The following AKAP13 variants were observed in gnomAD, a reference collection of about 807,000 sequenced individuals.
AKAP13 encodes the protein A-kinase anchor protein 13.
In AKAP13, 80 loss-of-function variants were observed where a neutral mutation model predicts 264.5. The observed-to-expected ratio is 0.30, with a 90% CI of 0.25 to 0.36. AKAP13 has a LOEUF of 0.36. AKAP13 is among the 10% of genes least tolerant of loss of function. The pLI is 1.00. For missense variants in AKAP13, 3,712 were observed against 3,435.2 expected, an observed-to-expected ratio of 1.08 and a Z score of -2.01; for synonymous variants, 1,380 against 1,250.2, an observed-to-expected ratio of 1.10 and a Z score of -2.19.
chr15:85,549,648 C>A (rs932079556), intron 5 of AKAP13, among the ~76,000 whole-genome samples: 3 of 152,184 alleles, frequency 2.0e-5, no homozygotes, highest in Non-Finnish European at 4.4e-5. Context: ...GCTACTGTTA[C>A]ACAGACAGCT....
At chr15:85,526,628 A>G (rs2077053651) in intron 3 of AKAP13, among the ~76,000 whole-genome samples, 1 of 152,192 alleles carries the variant, frequency 6.6e-6, no homozygotes, top group Non-Finnish European at 1.5e-5. Context: ...CAGTATTACC[A>G]AATGGAATAG....
chr15:85,527,487 A>G (rs1403843972), intron 3 of AKAP13, among the ~76,000 whole-genome samples: 3 of 152,250 alleles, frequency 2.0e-5, no homozygotes, highest in African/African-American at 7.2e-5. Flanking sequence ...GTGAGTAGAG[A>G]ATAATGTCTG....
intron 2 of AKAP13, among the ~76,000 whole-genome samples, chr15:85,498,638 G>T (rs1157602992): frequency 6.6e-6 from 1 of 151,768 alleles, no homozygotes; most frequent in Non-Finnish European, 1.5e-5. Flanking sequence ...GTTGTCTTTG[G>T]CACTGAACTC....
chr15:85,731,946 G>C (rs2088070146), intron 30 of AKAP13, among the ~76,000 whole-genome samples: 1 of 152,058 alleles, frequency 6.6e-6, no homozygotes, highest in African/African-American at 2.4e-5. Flanking sequence ...AGCCAGGTGT[G>C]GTGACATGCG....
Position 85,736,091 on chromosome 15 carries a change from G to C in AKAP13, c.7514G>C (p.Gly2505Ala). The C allele has an allele frequency of 6.2e-7, 1 of 1,604,512 alleles. No individual in the cohort carries two copies. The highest frequency in any genetic ancestry group is 2.2e-5 in the East Asian group (1 of 44,806). ...ATATGTATGTTTTTTGTTTTATAGGGTGGAAATGCTAACCTGGTATTTATG... is the reference window on the plus strand; with the variant it reads ...ATATGTATGTTTTTTGTTTTATAGGCTGGAAATGCTAACCTGGTATTTATG... ...RTESDSGLKKGGNANLVFMLK... is the reference protein window; with the variant it reads ...RTESDSGLKKAGNANLVFMLK... The change falls in exon 33 of 37, where the codon GGT becomes GCT. Residue 2505 changes from glycine (G) to alanine (A), a missense_variant and splice_region_variant. Transcript: ENST00000394518.
At chr15:85,685,490 C>CTGTG (rs34565043) in intron 16 of AKAP13, 6,183 of 134,348 alleles carry the variant, frequency 0.046, 402 homozygotes, top group African/African-American at 0.16. Flanking sequence ...GTGTGTGTGT[C>CTGTG]TGTGTGTGTG....
At chr15:85,564,028 C>T (rs990084982) in intron 5 of AKAP13, among the ~76,000 whole-genome samples, 79 of 152,222 alleles carry the variant, frequency 5.2e-4, no homozygotes, top group African/African-American at 1.9e-3. Context: ...TCTCAATTTC[C>T]TCATCTCTGA....
At chr15:85,488,791 C>A (rs1225579544) in intron 2 of AKAP13, among the ~76,000 whole-genome samples, 1 of 152,238 alleles carries the variant, frequency 6.6e-6, no homozygotes, top group Admixed American at 6.5e-5. Context: ...AGAAGGAACA[C>A]AGCCCTGCTG....
intron 1 of AKAP13, among the ~76,000 whole-genome samples, chr15:85,437,980 G>A: frequency 6.9e-6 from 1 of 144,630 alleles, no homozygotes; most frequent in Admixed American, 7.0e-5. Context: ...AATTAGGCAG[G>A]AGAAGGAAAT....
chr15:85,633,853 T>TA (rs1567166699), intron 8 of AKAP13, among the ~76,000 whole-genome samples: 1 of 151,594 alleles, frequency 6.6e-6, no homozygotes, highest in Non-Finnish European at 1.5e-5. Flanking sequence ...CTTTTTTTTT[T>TA]AAAAAGGAAA....
intron 1 of AKAP13, among the ~76,000 whole-genome samples, chr15:85,414,410 TTTC>T (rs2072134823): frequency 6.6e-6 from 1 of 152,232 alleles, no homozygotes; most frequent in South Asian, 2.1e-4. Flanking sequence ...ACCACCGTGC[TTTC>T]TTTTTTCACT....
At chr15:85,712,124 G>A (rs946547998) in intron 19 of AKAP13, among the ~76,000 whole-genome samples, 10 of 152,010 alleles carry the variant, frequency 6.6e-5, no homozygotes, top group African/African-American at 1.7e-4. Context: ...ATGAGCCACC[G>A]CACCCAGCCT....
chr15:85,633,785 C>G (rs2081964121), intron 8 of AKAP13, among the ~76,000 whole-genome samples: 1 of 151,860 alleles, frequency 6.6e-6, no homozygotes, highest in Non-Finnish European at 1.5e-5. Flanking sequence ...ACCTCGTGAT[C>G]TGCCCACCTC....
At chr15:85,454,085 G>A (rs569647682) in intron 1 of AKAP13, among the ~76,000 whole-genome samples, 1 of 152,324 alleles carries the variant, frequency 6.6e-6, no homozygotes, top group Admixed American at 6.5e-5. Context: ...CAAGCCAGTG[G>A]GTCTTATCTT....
At chr15:85,487,026 C>T (rs1360639913) in intron 2 of AKAP13, among the ~76,000 whole-genome samples, 2 of 152,160 alleles carry the variant, frequency 1.3e-5, no homozygotes, top group African/African-American at 2.4e-5. Flanking sequence ...GCCACAGCAC[C>T]TGGCCAATTG....
chr15:85,734,604 C>T (rs2088303043), intron 30 of AKAP13, among the ~76,000 whole-genome samples: 1 of 152,234 alleles, frequency 6.6e-6, no homozygotes, highest in South Asian at 2.1e-4. Flanking sequence ...CTTGAACTCA[C>T]TCCATATTGG....
chr15:85,655,499 C>T lies in AKAP13; in HGVS notation c.4457C>T (p.Ser1486Phe). The T allele has an allele frequency of 6.2e-7, 1 of 1,614,224 alleles. No homozygotes were observed. The highest frequency in any genetic ancestry group is 8.5e-7 in the Non-Finnish European group (1 of 1,180,022). Residue 1486 changes from serine (S) to phenylalanine (F), a missense_variant, in exon 11 of 37, where the codon TCT becomes TTT. Coordinates refer to ENST00000394518, the MANE Select transcript of AKAP13 (RefSeq NM_007200.5). ...DDTASLDRHS[S>F]HGSDVSLSQI... ...ACGGCTTCACTGGACCGACATTCTT[C>T]TCATGGCAGTGATGTGTCTCTCTCC...
At chr15:85,523,352 CAT>C (rs938050225) in intron 3 of AKAP13, among the ~76,000 whole-genome samples, 2 of 152,214 alleles carry the variant, frequency 1.3e-5, no homozygotes, top group Admixed American at 1.3e-4. Flanking sequence ...TTGTTTATAA[CAT>C]GGGGTAAATT....
chr15:85,654,249 C>T (rs2082996926), intron 10 of AKAP13, among the ~76,000 whole-genome samples: 1 of 152,156 alleles, frequency 6.6e-6, no homozygotes, highest in Admixed American at 6.5e-5. Flanking sequence ...GGTACTTATG[C>T]ATTTGTGGCA....
Sources: allele counts gnomAD v4.1 joint callset (sites outside exome capture counted in the v4.1 genomes callset), GRCh38; gene constraint gnomAD v4.1.1; transcripts MANE v1.5; gene names NCBI Gene and HGNC (gene_info 2026-07-23, HGNC 2026-07-21).